PAK3: variants seen among roughly 807,000 people sequenced by gnomAD.
PAK3 encodes p21 (RAC1) activated kinase 3.
PAK3 carries 4 observed loss-of-function variants against 41.0 expected under a neutral mutation model. That is an observed-to-expected ratio of 0.10 (90% CI 0.05 to 0.22). The LOEUF (loss-of-function observed/expected upper bound fraction) is 0.22, where lower values mean the gene tolerates loss of function less well. Ranked by LOEUF, PAK3 falls within the 10% of genes least tolerant of loss-of-function variation. The pLI is 1.00. For synonymous variants in PAK3, 146 were observed against 139.6 expected (o/e 1.05, Z -0.32); for missense variants, 205 against 409.9 (o/e 0.50, Z 4.32).
intron 1 of PAK3, among the ~76,000 whole-genome samples, chrX:110,996,906 T>C (rs966961962): frequency 9.0e-6 from 1 of 111,483 alleles, no homozygotes; most frequent in Non-Finnish European, 1.9e-5. Context: ...GAATGATGAG[T>C]GCTAGGGAGA....
intron 1 of PAK3, among the ~76,000 whole-genome samples, chrX:111,076,185 T>C (rs1042123666): frequency 1.1e-4 from 12 of 111,296 alleles, no homozygotes; most frequent in Non-Finnish European, 2.3e-4. Context: ...TGCAAAGGCA[T>C]GATTGTATTT....
chrX:110,996,718 G>A (rs1040680180), intron 1 of PAK3, among the ~76,000 whole-genome samples: 1 of 111,359 alleles, frequency 9.0e-6, no homozygotes, highest in African/African-American at 3.3e-5. Flanking sequence ...ACAATGAGAT[G>A]GTGGCTGTCT....
chrX:111,152,655 T>G (rs1262445529), intron 8 of PAK3: 1 of 339,977 alleles, frequency 2.9e-6, no homozygotes, highest in African/African-American at 2.6e-5. Context: ...TCACCACAAT[T>G]GAGTTTTAGA....
At chrX:111,073,150 A>G (rs903194102) in intron 1 of PAK3, among the ~76,000 whole-genome samples, 3 of 111,457 alleles carry the variant, frequency 2.7e-5, no homozygotes, top group African/African-American at 9.8e-5. Context: ...GGCTACCACT[A>G]TCTTTCATTA....
rs191788290 is a variant in PAK3 at position 111,225,168 on chromosome X, G to A, written c.*4721G>A. 47 of 112,310 alleles carry A rather than the reference G, an allele frequency of 4.2e-4. No homozygotes were observed. Among genetic ancestry groups the A allele is most frequent in the African/African-American group, 1.4e-3 (42 of 30,947 alleles). 9.3% of individuals were successfully genotyped at this position (112,310 alleles called of 1,213,427 possible). On this transcript the variant is annotated 3_prime_UTR_variant, in exon 18 of 18. Coordinates refer to ENST00000372007, the MANE Select transcript of PAK3 (RefSeq NM_002578.5). Reference sequence around the variant, plus strand: ...TATTTCTCCTATGAAAGAATTTTTCGTAGAAGATTTGTTTTTGATATAATC... The same window carrying A: ...TATTTCTCCTATGAAAGAATTTTTCATAGAAGATTTGTTTTTGATATAATC...
At chrX:111,012,370 G>C (rs897866301) in intron 1 of PAK3, among the ~76,000 whole-genome samples, 1 of 111,711 alleles carries the variant, frequency 9.0e-6, no homozygotes, top group African/African-American at 3.3e-5. Flanking sequence ...TCTCTTCATT[G>C]GGATCCCAGA....
chrX:111,055,550 A>G (rs1049408689), intron 1 of PAK3, among the ~76,000 whole-genome samples: 1 of 112,302 alleles, frequency 8.9e-6, no homozygotes, highest in African/African-American at 3.2e-5. Flanking sequence ...CTTTCTAAAT[A>G]GTCAAGTCCA....
chrX:111,109,565 C>A (rs781356096), intron 4 of PAK3, among the ~76,000 whole-genome samples: 71 of 112,074 alleles, frequency 6.3e-4, no homozygotes, highest in African/African-American at 2.3e-3. Flanking sequence ...TAGCTATCCC[C>A]TCTAGTCCTA....
intron 7 of PAK3, among the ~76,000 whole-genome samples, chrX:111,148,541 T>A (rs1025596746): frequency 9.0e-6 from 1 of 110,521 alleles, no homozygotes; most frequent in African/African-American, 3.3e-5. Context: ...GAAAAAGAGG[T>A]TTAATTGGAC....
intron 1 of PAK3, among the ~76,000 whole-genome samples, chrX:111,066,028 G>A (rs1353678664): frequency 1.1e-4 from 12 of 111,670 alleles, no homozygotes; most frequent in African/African-American, 3.9e-4. Context: ...TTCCTTGTAT[G>A]GATTTTTGTG....
chrX:111,071,127 G>T (rs1055420305), intron 1 of PAK3, among the ~76,000 whole-genome samples: 2 of 111,930 alleles, frequency 1.8e-5, no homozygotes, highest in African/African-American at 6.5e-5. Flanking sequence ...TAATTATCAG[G>T]TATTGGACTC....
chrX:111,091,724 A>G (rs1318728791), upstream of PAK3, among the ~76,000 whole-genome samples: 2 of 111,761 alleles, frequency 1.8e-5, no homozygotes, highest in Non-Finnish European at 3.8e-5. Context: ...GGGCATGGGG[A>G]GGCAGGAAGG....
intron 8 of PAK3, among the ~76,000 whole-genome samples, chrX:111,157,578 G>A (rs781778074): frequency 9.0e-6 from 1 of 110,620 alleles, no homozygotes; most frequent in Non-Finnish European, 1.9e-5. Context: ...ATCACCTGAG[G>A]TCAGGAGTTC....
chrX:111,151,640 C>G (rs764940392), intron 7 of PAK3, among the ~76,000 whole-genome samples: 1 of 111,940 alleles, frequency 8.9e-6, no homozygotes, highest in Non-Finnish European at 1.9e-5. Flanking sequence ...TAGTACTGAA[C>G]CTTATGTATA....
chrX:111,114,360 A>G (rs1165116655), intron 4 of PAK3, among the ~76,000 whole-genome samples: 2 of 112,140 alleles, frequency 1.8e-5, no homozygotes, highest in Non-Finnish European at 3.8e-5. Context: ...TTGTGGTTCA[A>G]GTAAATGAAT....
intron 5 of PAK3, among the ~76,000 whole-genome samples, chrX:111,135,333 A>G (rs894550591): frequency 1.8e-5 from 2 of 111,777 alleles, no homozygotes; most frequent in East Asian, 5.7e-4. Context: ...ATAATTAATG[A>G]AATAATTAGG....
intron 1 of PAK3, among the ~76,000 whole-genome samples, chrX:111,003,435 C>G (rs2091879516): frequency 9.0e-6 from 1 of 111,301 alleles, no homozygotes; most frequent in African/African-American, 3.3e-5. Flanking sequence ...TGGGAGGGAG[C>G]TTAGAGATTA....
intron 4 of PAK3, among the ~76,000 whole-genome samples, chrX:111,107,017 G>A (rs2093279324): frequency 8.9e-6 from 1 of 112,374 alleles, no homozygotes; most frequent in African/African-American, 3.2e-5. Context: ...AGTTTAGATG[G>A]TGTGTTTATT....
intron 5 of PAK3, among the ~76,000 whole-genome samples, chrX:111,132,460 A>T (rs2093732419): frequency 9.0e-6 from 1 of 110,831 alleles, no homozygotes; most frequent in Non-Finnish European, 1.9e-5. Context: ...GGTGAGGGGG[A>T]CAAAGGGTGG....
Sources: gnomAD v4.1 joint callset for allele counts (sites outside exome capture counted in the v4.1 genomes callset) on GRCh38, gnomAD v4.1.1 for gene constraint, MANE v1.5 for transcripts, NCBI Gene and HGNC (gene_info 2026-07-23, HGNC 2026-07-21) for gene names.